Variants in CSPP1 observed in about 807,000 individuals in gnomAD.
CSPP1 encodes the protein centrosome and spindle pole associated protein 1.
Under a neutral mutation model 164.4 loss-of-function variants are expected in CSPP1, and 126 were observed. That is an observed-to-expected ratio of 0.77 (90% CI 0.66 to 0.89). The LOEUF is 0.89. Ranked by LOEUF, CSPP1 falls within the 40% of genes least tolerant of loss-of-function variation. The pLI, the probability that CSPP1 is intolerant of heterozygous loss-of-function variation, is 0.00. For missense variants in CSPP1, 1,395 were observed against 1,449.8 expected, an observed-to-expected ratio of 0.96 and a Z score of 0.61; for synonymous variants, 472 against 476.7, an observed-to-expected ratio of 0.99 and a Z score of 0.13.
At chr8:67,131,212 T>C (rs981334954) in intron 15 of CSPP1, among the ~76,000 whole-genome samples, 1 of 152,012 alleles carries the variant, frequency 6.6e-6, no homozygotes, top group African/African-American at 2.4e-5. Flanking sequence ...CTGGGCAACG[T>C]AGAAAGACTT....
Position 67,164,618 on chromosome 8 carries a change from T to A in CSPP1, c.2828+110T>A. On this transcript the variant is annotated intron_variant, in intron 24 of 30. Coordinates refer to ENST00000678616, the MANE Select transcript of CSPP1 (RefSeq NM_001382391.1). Reference sequence around the variant, plus strand: ...GGACTAATTCATCTTACTTAAAATCTCCTTACTTTCCTTTTCTTTGTCTTT... The same window carrying A: ...GGACTAATTCATCTTACTTAAAATCACCTTACTTTCCTTTTCTTTGTCTTT... 1.1e-5 allele frequency: 6 copies of A among 555,358 alleles called. No homozygotes were observed. The South Asian group carries it at 1.7e-4, about 16-fold the overall frequency. The allele number at this position is 555,358 out of a possible 1,614,324, so 34.4% of individuals were successfully genotyped here.
At chr8:67,093,851 G>A (rs1434852631) in intron 6 of CSPP1, among the ~76,000 whole-genome samples, 3 of 151,912 alleles carry the variant, frequency 2.0e-5, no homozygotes, top group Non-Finnish European at 4.4e-5. Context: ...TTTAATTGGG[G>A]AGATTTAATT....
At chr8:67,177,166 C>T (rs763830274) in intron 26 of CSPP1, among the ~76,000 whole-genome samples, 7 of 151,434 alleles carry the variant, frequency 4.6e-5, no homozygotes, top group Non-Finnish European at 1.0e-4. Context: ...GGCTATCATT[C>T]GCAGCTTGTT....
chr8:67,088,300 T>A (rs1810835277), intron 4 of CSPP1, among the ~76,000 whole-genome samples: 1 of 152,010 alleles, frequency 6.6e-6, no homozygotes, highest in Non-Finnish European at 1.5e-5. Context: ...TTTTTGGTTT[T>A]TTTTTGAGAC....
chr8:67,131,511 G>C (rs1179633281), intron 15 of CSPP1, among the ~76,000 whole-genome samples: 1 of 152,156 alleles, frequency 6.6e-6, no homozygotes, highest in Admixed American at 6.5e-5. Context: ...GAGACAGTCA[G>C]ACTTTTTCCT....
At position 67,159,025 on chromosome 8, in the gene CSPP1, C is replaced by T. The variant is rs1827202613; in HGVS notation, c.2426C>T (p.Ala809Val). 5 of 1,610,388 alleles carry T rather than the reference C, an allele frequency of 3.1e-6. No individual in the cohort carries two copies. Among genetic ancestry groups the T allele is most frequent in the Non-Finnish European group, 4.2e-6 (5 of 1,178,490 alleles). The change falls in exon 21 of 31, where the codon GCT becomes GTT. Residue 809 changes from alanine (A) to valine (V), a missense_variant. Coordinates refer to ENST00000678616, the MANE Select transcript of CSPP1 (RefSeq NM_001382391.1). ...RLKNEEHIRL[A>V]EERQKEAERK... ...AAAAATGAAGAGCATATTCGGTTAG[C>T]TGAAGAAAGACAAAAAGAAGCAGAA...
intron 22 of CSPP1, among the ~76,000 whole-genome samples, chr8:67,162,937 C>T (rs75293655): frequency 0.013 from 2,041 of 152,138 alleles, 28 homozygotes; most frequent in Non-Finnish European, 0.022. Context: ...TAGTTCTGGA[C>T]GCCATCAACA....
chr8:67,184,943 CA>C (rs796384901), intron 28 of CSPP1, among the ~76,000 whole-genome samples: 1,046 of 56,042 alleles, frequency 0.019, 7 homozygotes, highest in African/African-American at 0.03. Flanking sequence ...ACTAAAAATA[CA>C]AAAAAAAAAA....
chr8:67,194,377 T>TATC (rs1554628144), intron 30 of CSPP1, among the ~76,000 whole-genome samples: 1 of 152,236 alleles, frequency 6.6e-6, no homozygotes, highest in Non-Finnish European at 1.5e-5. Context: ...ACTCATATAC[T>TATC]ATCTATCTAG....
In CSPP1 at chr8:67,072,869, C is replaced by CAAAA. The variant is rs58087584; in HGVS notation, c.-10-1356_-10-1353dup. 2.8e-3 allele frequency among the ~76,000 whole-genome samples: 156 copies of CAAAA among 55,370 alleles called. 1 individual carries two copies. Among genetic ancestry groups the CAAAA allele is most frequent in the Middle Eastern group, 8.6e-3 (1 of 116 alleles). 36.3% of individuals were successfully genotyped at this position (55,370 alleles called of 152,430 possible). A position where few individuals can be genotyped will look rare whatever the true frequency, so the allele number is the denominator to read the frequency against. ...TGTGAAACAACGAGAGAGCCTGTCTCAAAAAAAAAAAAAAAAAAAAAGAAA... is the reference window on the plus strand; with the variant it reads ...TGTGAAACAACGAGAGAGCCTGTCTCAAAAAAAAAAAAAAAAAAAAAAAAAGAAA... On this transcript the variant is annotated intron_variant, in intron 1 of 30. Transcript: ENST00000678616.
intron 2 of CSPP1, among the ~76,000 whole-genome samples, chr8:67,075,732 CATTTT>C (rs1807779855): frequency 6.6e-6 from 1 of 152,158 alleles, no homozygotes; most frequent in East Asian, 1.9e-4. Context: ...TTATATGTAT[CATTTT>C]ATTTAATCAT....
intron 28 of CSPP1, among the ~76,000 whole-genome samples, chr8:67,182,841 T>C (rs746046560): frequency 1.3e-5 from 2 of 152,220 alleles, no homozygotes; most frequent in Admixed American, 6.5e-5. Flanking sequence ...TTTTTTGTTA[T>C]TGAGTTGTGG....
chr8:67,129,868 A>C (rs1820853825), intron 15 of CSPP1, among the ~76,000 whole-genome samples: 1 of 152,220 alleles, frequency 6.6e-6, no homozygotes, highest in Non-Finnish European at 1.5e-5. Context: ...TTGATTGCAT[A>C]TGGCTATGAA....
chr8:67,073,100 A>C (rs1258550416), intron 1 of CSPP1, among the ~76,000 whole-genome samples: 3 of 152,188 alleles, frequency 2.0e-5, no homozygotes, highest in African/African-American at 7.2e-5. Flanking sequence ...ACGCCCTGGC[A>C]AGGATGTGTA....
chr8:67,156,609 A>ATT, intron 19 of CSPP1, among the ~76,000 whole-genome samples: 1 of 152,336 alleles, frequency 6.6e-6, no homozygotes, highest in East Asian at 1.9e-4. Flanking sequence ...TATTACTGTC[A>ATT]ACAATATAAT....
At chr8:67,076,333 C>T in intron 2 of CSPP1, 149 bp from the exon 3 acceptor site, 1 of 370,246 alleles carries the variant, frequency 2.7e-6, no homozygotes, top group Non-Finnish European at 4.8e-6. Context: ...ATTAAAATAC[C>T]TTTGGCTAAT....
Position 67,190,751 on chromosome 8 carries a change from C to G in CSPP1, c.3322C>G (p.Leu1108Val). ...GCGCAGGAGGAACAAATGGAAAGGA[C>G]TAGACATTGTATGTATGAGACTTTT... is the stretch of plus-strand genomic sequence containing the variant. ...RERRRNKWKGLDIDSSRPNVA... is the reference protein window; with the variant it reads ...RERRRNKWKGVDIDSSRPNVA... Residue 1108 changes from leucine to valine, a missense_variant, in exon 29 of 31, where the codon CTA becomes GTA. Transcript: ENST00000678616. 6.2e-7 allele frequency: 1 copy of G among 1,607,702 alleles called. No homozygotes were observed. Among genetic ancestry groups the G allele is most frequent in the Non-Finnish European group, 8.5e-7 (1 of 1,174,150 alleles).
At chr8:67,174,169 C>CT (rs1831069522) in intron 25 of CSPP1, 1 of 151,990 alleles carries the variant, frequency 6.6e-6, no homozygotes, top group African/African-American at 2.4e-5. Context: ...TCACCCATGA[C>CT]TTGGTGGTTG....
chr8:67,195,462 C>T lies in CSPP1; in HGVS notation c.3550C>T (p.Pro1184Ser). Residue 1184 changes from proline (P) to serine (S), a missense_variant, in exon 31 of 31, where the codon CCC (proline) becomes TCC (serine). Physicochemically the swap from Pro to Ser is moderately conservative, Grantham distance 74. Transcript: ENST00000678616. ...DDGSNSVATEPWLRPGTSETL... is the reference protein window; with the variant it reads ...DDGSNSVATESWLRPGTSETL... The stretch of plus-strand genomic sequence containing the variant: ...CGGATCAAACTCTGTAGCAACTGAG[C>T]CCTGGCTCCGCCCTGGCACTTCAGA... 1 of 1,614,112 alleles carries T rather than the reference C, an allele frequency of 6.2e-7. No homozygotes were observed. Among genetic ancestry groups the T allele is most frequent in the Non-Finnish European group, 8.5e-7 (1 of 1,179,978 alleles).
Sources: allele counts gnomAD v4.1 joint callset (sites outside exome capture counted in the v4.1 genomes callset), GRCh38; gene constraint gnomAD v4.1.1; transcripts MANE v1.5; gene names NCBI Gene and HGNC (gene_info 2026-07-23, HGNC 2026-07-21).